FAM135B: variants seen among roughly 807,000 people sequenced by gnomAD.
FAM135B encodes family with sequence similarity 135 member B.
FAM135B carries 43 observed loss-of-function variants against 127.7 expected under a neutral mutation model. That is an observed-to-expected ratio of 0.34 (90% confidence interval 0.26 to 0.43). The LOEUF is 0.43. Among genes scored for constraint, FAM135B ranks in the 20% least tolerant of loss-of-function variants. The pLI, the probability that FAM135B is intolerant of heterozygous loss-of-function variation, is 1.00. For missense variants in FAM135B, 1,558 were observed against 1,725.6 expected, an observed-to-expected ratio of 0.90 and a Z score of 1.72; for synonymous variants, 670 against 665.1, an observed-to-expected ratio of 1.01 and a Z score of -0.11.
At chr8:138,154,764 G>T (rs1185508370) in intron 12 of FAM135B, among the ~76,000 whole-genome samples, 4 of 152,068 alleles carry the variant, frequency 2.6e-5, no homozygotes, top group Non-Finnish European at 5.9e-5. Flanking sequence ...AAAAAGAAAT[G>T]AACAAAGCCT....
intron 12 of FAM135B, among the ~76,000 whole-genome samples, chr8:138,161,274 C>T (rs1241248040): frequency 6.6e-6 from 1 of 152,160 alleles, no homozygotes. Context: ...CAAAGATGAT[C>T]TTTTCCTATT....
intron 1 of FAM135B, among the ~76,000 whole-genome samples, chr8:138,371,786 T>G (rs1461137536): frequency 6.6e-6 from 1 of 152,172 alleles, no homozygotes; most frequent in African/African-American, 2.4e-5. Context: ...CACAGACATC[T>G]TCTCTGCACT....
intron 6 of FAM135B, among the ~76,000 whole-genome samples, chr8:138,249,573 C>G (rs1445920337): frequency 6.6e-6 from 1 of 152,150 alleles, no homozygotes; most frequent in Admixed American, 6.5e-5. Context: ...AGGAAAGGAA[C>G]CCAGCAGATG....
At chr8:138,254,891 G>A (rs1821960815) in intron 5 of FAM135B, among the ~76,000 whole-genome samples, 1 of 152,164 alleles carries the variant, frequency 6.6e-6, no homozygotes, top group Non-Finnish European at 1.5e-5. Flanking sequence ...TGACACTTCA[G>A]TAGACATCCA....
intron 12 of FAM135B, among the ~76,000 whole-genome samples, chr8:138,161,119 T>C (rs987265096): frequency 1.3e-5 from 2 of 152,180 alleles, no homozygotes; most frequent in East Asian, 3.9e-4. Context: ...AAGATGATGT[T>C]ACACCTGGGG....
chr8:138,424,155 C>T (rs1241353957), intron 1 of FAM135B, among the ~76,000 whole-genome samples: 2 of 152,138 alleles, frequency 1.3e-5, no homozygotes, highest in Non-Finnish European at 2.9e-5. Context: ...CGACATACAT[C>T]CTCCTCAGCT....
chr8:138,340,798 G>A (rs1828995073), intron 2 of FAM135B, among the ~76,000 whole-genome samples: 2 of 152,102 alleles, frequency 1.3e-5, no homozygotes, highest in East Asian at 1.9e-4. Flanking sequence ...TGTGCCTCGT[G>A]CATCCACTCA....
intron 19 of FAM135B, 28 bp downstream of exon 19, chr8:138,137,119 C>A (rs1459275137): frequency 8.6e-7 from 1 of 1,166,096 alleles, no homozygotes; most frequent in Non-Finnish European, 1.3e-6. Flanking sequence ...ATTAGAAAGT[C>A]CCTGAGCAAA....
intron 1 of FAM135B, among the ~76,000 whole-genome samples, chr8:138,480,969 A>C (rs1814751766): frequency 6.6e-6 from 1 of 152,276 alleles, no homozygotes; most frequent in African/African-American, 2.4e-5. Flanking sequence ...ACAGGAGAAA[A>C]CCCTTGTCTG....
At chr8:138,264,161 C>G (rs1429964410) in intron 4 of FAM135B, among the ~76,000 whole-genome samples, 1 of 152,178 alleles carries the variant, frequency 6.6e-6, no homozygotes, top group African/African-American at 2.4e-5. Flanking sequence ...ACTGTGCTCT[C>G]CTCCAGAGCT....
intron 7 of FAM135B, among the ~76,000 whole-genome samples, chr8:138,216,878 G>A (rs1818588151): frequency 6.6e-6 from 1 of 152,164 alleles, no homozygotes; most frequent in South Asian, 2.1e-4. Context: ...AAGGGGAAAC[G>A]AGGCATGAGG....
At chr8:138,186,428 AC>A (rs1815584093) in intron 9 of FAM135B, among the ~76,000 whole-genome samples, 1 of 151,908 alleles carries the variant, frequency 6.6e-6, no homozygotes, top group Admixed American at 6.6e-5. Context: ...CGCCCAAAAC[AC>A]CTTCCCACCC....
intron 3 of FAM135B, among the ~76,000 whole-genome samples, chr8:138,274,494 A>G (rs1823652396): frequency 6.6e-6 from 1 of 152,196 alleles, no homozygotes. Context: ...CAAAATTAAA[A>G]TTGCTAATGA....
intron 2 of FAM135B, among the ~76,000 whole-genome samples, chr8:138,365,257 A>C (rs1282316108): frequency 1.8e-4 from 27 of 152,176 alleles, no homozygotes. Flanking sequence ...GATAAACGAG[A>C]TGCTTCCCAA....
chr8:138,140,550 G>A (rs1416226817), intron 17 of FAM135B, among the ~76,000 whole-genome samples: 2 of 152,082 alleles, frequency 1.3e-5, no homozygotes, highest in African/African-American at 2.4e-5. Context: ...AGTCAGTCGA[G>A]GTCCTTCTTT....
chr8:138,319,197 C>T (rs867403182), intron 2 of FAM135B, among the ~76,000 whole-genome samples: 16 of 152,124 alleles, frequency 1.1e-4, no homozygotes, highest in Non-Finnish European at 2.2e-4. Context: ...ACCTCTGCCT[C>T]CCAGGTTCAA....
At chr8:138,157,744 C>T (rs554747607) in intron 12 of FAM135B, among the ~76,000 whole-genome samples, 17 of 152,240 alleles carry the variant, frequency 1.1e-4, no homozygotes, top group African/African-American at 4.1e-4. Flanking sequence ...TTACAAGGGA[C>T]ATGTAGGATC....
chr8:138,404,820 A>G (rs935721681), intron 1 of FAM135B, among the ~76,000 whole-genome samples: 2 of 152,120 alleles, frequency 1.3e-5, no homozygotes, highest in African/African-American at 2.4e-5. Context: ...TACTTCTAAC[A>G]CATCTACAGT....
chr8:138,204,878 A>C (rs762948711), intron 7 of FAM135B, among the ~76,000 whole-genome samples: 1 of 152,232 alleles, frequency 6.6e-6, no homozygotes, highest in Non-Finnish European at 1.5e-5. Context: ...TGTTACAATT[A>C]TGGAAGAATG....
Sources: allele counts gnomAD v4.1 joint callset (sites outside exome capture counted in the v4.1 genomes callset), GRCh38; gene constraint gnomAD v4.1.1; transcripts MANE v1.5; gene names NCBI Gene and HGNC (gene_info 2026-07-23, HGNC 2026-07-21).